SUGCT: variants seen among roughly 807,000 people sequenced by gnomAD.
The protein encoded by SUGCT is succinyl-CoA:glutarate-CoA transferase.
A neutral mutation model predicts 55.0 loss-of-function variants in SUGCT; 41 were observed. The observed-to-expected ratio is 0.74, with a 90% CI of 0.58 to 0.97. The LOEUF (loss-of-function observed/expected upper bound fraction) is 0.97. SUGCT is among the 50% of genes least tolerant of loss of function. The pLI is 0.00. For synonymous variants in SUGCT, 187 were observed against 200.4 expected (o/e 0.93, Z 0.56); for missense variants, 568 against 547.8 (o/e 1.04, Z -0.37).
chr7:40,263,505 C>T (rs1791363525), intron 7 of SUGCT, among the ~76,000 whole-genome samples: 1 of 152,172 alleles, frequency 6.6e-6, no homozygotes, highest in African/African-American at 2.4e-5. Context: ...CTCATCTTGA[C>T]TTTGCTACTT....
chr7:40,911,830 C>T, the SUGCT span, among the ~76,000 whole-genome samples: 130 of 152,208 alleles, frequency 8.5e-4, no homozygotes, highest in East Asian at 0.022. Context: ...TTTCTTACAT[C>T]CCTGAGTTCA....
At chr7:40,339,196 G>A (rs1317397006) in intron 9 of SUGCT, among the ~76,000 whole-genome samples, 1 of 152,160 alleles carries the variant, frequency 6.6e-6, no homozygotes, top group Non-Finnish European at 1.5e-5. Flanking sequence ...CAGGGATCAG[G>A]GGCACACTTG....
chr7:40,242,603 T>C (rs1230929477), intron 7 of SUGCT, among the ~76,000 whole-genome samples: 2 of 152,102 alleles, frequency 1.3e-5, no homozygotes, highest in African/African-American at 4.8e-5. Context: ...CCATGATACC[T>C]GCAGAATGAT....
chr7:40,166,495 G>T (rs1193384506), intron 1 of SUGCT, among the ~76,000 whole-genome samples: 1 of 152,144 alleles, frequency 6.6e-6, no homozygotes, highest in Non-Finnish European at 1.5e-5. Context: ...CTATTTACAT[G>T]AAATGATATT....
At chr7:40,355,868 T>C (rs866392616) in intron 9 of SUGCT, among the ~76,000 whole-genome samples, 80 of 152,382 alleles carry the variant, frequency 5.2e-4, no homozygotes, top group African/African-American at 1.9e-3. Flanking sequence ...CAAGTAGTTA[T>C]ATCAATCCAC....
Position 40,780,072 on chromosome 7 carries a change from T to C in SUGCT, c.1153+30575T>C, listed in dbSNP as rs144841225. Among the ~76,000 whole-genome samples the C allele has an allele frequency of 1.5e-3, 234 of 152,330 alleles. 2 individuals are homozygous for C. The highest frequency in any genetic ancestry group is 0.01 in the Middle Eastern group (3 of 294). Reference sequence around the variant, plus strand: ...ATTCTTTAAATTATGGAGTTTTCTTTCTTCCTCTTTCTAGAAGTGGTCATC... The same window carrying C: ...ATTCTTTAAATTATGGAGTTTTCTTCCTTCCTCTTTCTAGAAGTGGTCATC... On this transcript the variant is annotated intron_variant, in intron 13 of 13. Transcript: ENST00000335693.
Position 40,518,478 on chromosome 7 carries a change from A to G in SUGCT, c.1089+22092A>G, listed in dbSNP as rs148746881. ...GTCATTAATAAACCAAGTGGGAATA[A>G]TAGAATGAACCAATGTCAACTCAGA... On this transcript the variant is annotated intron_variant, in intron 12 of 13. Coordinates refer to ENST00000335693, the MANE Select transcript of SUGCT (RefSeq NM_001193313.2). Among the ~76,000 whole-genome samples, 7 of 152,290 alleles carry G rather than the reference A, an allele frequency of 4.6e-5. No homozygotes were observed. The East Asian group carries it at 1.4e-3, about 29-fold the overall frequency.
At chr7:40,324,268 T>TATATATATATATATATATATATATA (rs1243341218) in intron 9 of SUGCT, among the ~76,000 whole-genome samples, 2 of 145,880 alleles carry the variant, frequency 1.4e-5, no homozygotes, top group African/African-American at 5.1e-5. Flanking sequence ...TATATATTTA[T>TATATATATATATATATATATATATA]TTTTTGAGAC....
intron 13 of SUGCT, among the ~76,000 whole-genome samples, chr7:40,855,161 A>T (rs2128804443): frequency 6.6e-6 from 1 of 151,460 alleles, no homozygotes; most frequent in African/African-American, 2.4e-5. Flanking sequence ...TGATGTCAAG[A>T]TGTAAATCTT....
chr7:40,337,833 C>T (rs1159038380), intron 9 of SUGCT, among the ~76,000 whole-genome samples: 2 of 152,088 alleles, frequency 1.3e-5, no homozygotes, highest in Non-Finnish European at 2.9e-5. Flanking sequence ...GATGCAGTTT[C>T]TTCCTAGCCT....
At chr7:40,226,454 A>G (rs1788359209) in intron 6 of SUGCT, among the ~76,000 whole-genome samples, 1 of 152,216 alleles carries the variant, frequency 6.6e-6, no homozygotes, top group Admixed American at 6.5e-5. Flanking sequence ...TAGTTCTCAC[A>G]AGGGTACTGT....
In SUGCT at chr7:40,810,144, G is replaced by A. The variant is rs541369042; in HGVS notation, c.1154-50172G>A. 6.1e-5 allele frequency among the ~76,000 whole-genome samples: 9 copies of A among 148,534 alleles called. 2 individuals are homozygous for A. The South Asian group carries it at 1.9e-3, about 32-fold the overall frequency. On this transcript the variant is annotated intron_variant, in intron 13 of 13. Coordinates refer to ENST00000335693, the MANE Select transcript of SUGCT (RefSeq NM_001193313.2). ...ATTTCTTTTCTTTTTTTTTTTCTTT[G>A]AGACAGGGTCTGGTTTGGTCACCCA...
chr7:40,354,873 A>G (rs1562708014), intron 9 of SUGCT, among the ~76,000 whole-genome samples: 2 of 152,324 alleles, frequency 1.3e-5, no homozygotes, highest in South Asian at 4.1e-4. Flanking sequence ...AGTTTACATA[A>G]TTTCAGTCTA....
At chr7:40,428,522 CTGTG>C (rs56017526) in intron 9 of SUGCT, among the ~76,000 whole-genome samples, 50,022 of 148,950 alleles carry the variant, frequency 0.34, 9,128 homozygotes, top group East Asian at 0.48. Flanking sequence ...TCTGTCTCTG[CTGTG>C]TGTGTGTGTG....
the SUGCT span, among the ~76,000 whole-genome samples, chr7:40,926,252 C>T: frequency 1.3e-5 from 2 of 152,052 alleles, no homozygotes; most frequent in East Asian, 1.9e-4. Flanking sequence ...CCTTATTCTT[C>T]TTAGCTTATA....
In SUGCT at chr7:40,304,747, AATAATAATAATAATC is replaced by A. The variant is rs1348668801; in HGVS notation, c.721-12010_721-11996del. Among the ~76,000 whole-genome samples, 59 of 68,468 alleles carry A rather than the reference AATAATAATAATAATC, an allele frequency of 8.6e-4. No homozygotes were observed. The South Asian group carries it at 0.012, about 14-fold the overall frequency. The allele number at this position is 68,468 out of a possible 152,430, so 44.9% of individuals were successfully genotyped here. On this transcript the variant is annotated intron_variant, in intron 8 of 13. Coordinates refer to ENST00000335693, the MANE Select transcript of SUGCT (RefSeq NM_001193313.2). The stretch of plus-strand genomic sequence containing the variant: ...TAATAATAATAATAATAATAATAAT[AATAATAATAATAATC>A]ATCCAGGTTGCTGTTAATGTCATTA...
At chr7:40,214,705 G>A (rs954537086) in intron 6 of SUGCT, among the ~76,000 whole-genome samples, 1 of 152,066 alleles carries the variant, frequency 6.6e-6, no homozygotes, top group African/African-American at 2.4e-5. Flanking sequence ...CATGAGGTCA[G>A]GAGTTCGAGA....
intron 12 of SUGCT, chr7:40,684,210 C>G (rs1022500633): frequency 1.3e-5 from 20 of 1,494,286 alleles, no homozygotes; most frequent in Non-Finnish European, 1.8e-5. Context: ...TTCTCCATAT[C>G]AAGGTTTGTG....
intron 8 of SUGCT, among the ~76,000 whole-genome samples, chr7:40,283,140 T>C: frequency 6.6e-6 from 1 of 151,980 alleles, no homozygotes; most frequent in Non-Finnish European, 1.5e-5. Context: ...ATATATCTGA[T>C]AAGGGGTTGT....
Sources: gnomAD v4.1 joint callset for allele counts (sites outside exome capture counted in the v4.1 genomes callset) on GRCh38, gnomAD v4.1.1 for gene constraint, MANE v1.5 for transcripts, NCBI Gene and HGNC (gene_info 2026-07-23, HGNC 2026-07-21) for gene names.